The following IRF5 variants were observed in gnomAD, a reference collection of about 807,000 sequenced individuals.
IRF5 encodes interferon regulatory factor 5.
In IRF5, 24 loss-of-function variants were observed where a neutral mutation model predicts 55.1. The observed-to-expected ratio is 0.44, with a 90% CI of 0.32 to 0.61. IRF5 has a LOEUF of 0.61. IRF5 is among the 20% of genes least tolerant of loss of function. IRF5 has a pLI of 0.07. For synonymous variants in IRF5, 258 were observed against 260.2 expected, an observed-to-expected ratio of 0.99 and a Z score of 0.08; for missense variants, 499 against 658.5, an observed-to-expected ratio of 0.76 and a Z score of 2.65.
In IRF5 at chr7:128,947,312, C is replaced by CACTCTGCGGCCGCCT. The variant is rs745610149; in HGVS notation, c.572_586dup (p.Arg191_Leu195dup). 2.9e-5 allele frequency: 12 copies of CACTCTGCGGCCGCCT among 414,124 alleles called. No individual in the cohort carries two copies. Among genetic ancestry groups the CACTCTGCGGCCGCCT allele is most frequent in the Non-Finnish European group, 4.1e-5 (12 of 291,752 alleles). The allele number at this position is 414,124 out of a possible 1,614,324, so 25.7% of individuals were successfully genotyped here. On this transcript the variant is annotated inframe_insertion, in exon 6 of 9. Transcript: ENST00000357234. This position sits in a 1 kb window ranked among gnomAD's most constrained non-coding sequence, Gnocchi z 6.5. Reference sequence around the variant, plus strand: ...AGTGGCCGCCCACTCTGCAGCCGCCCACTCTGCGGCCGCCTACTCTGCAGC... The same window carrying CACTCTGCGGCCGCCT: ...AGTGGCCGCCCACTCTGCAGCCGCCCACTCTGCGGCCGCCTACTCTGCGGCCGCCTACTCTGCAGC...
intron 1 of IRF5, among the ~76,000 whole-genome samples, chr7:128,939,213 C>T (rs1795893883): frequency 6.6e-6 from 1 of 152,096 alleles, no homozygotes; most frequent in Non-Finnish European, 1.5e-5. Flanking sequence ...CCTGCCCCCA[C>T]CCCCAGTAGT....
chr7:128,948,927 G>T lies in IRF5; in HGVS notation c.*109G>T. The stretch of plus-strand genomic sequence containing the variant: ...TGGCTGGCTGCAGGGTCCTACCTCT[G>T]GGTTTCCTGGAAGTGGATTTGGGCC... On this transcript the variant is annotated 3_prime_UTR_variant, in exon 9 of 9. Coordinates refer to ENST00000357234, the MANE Select transcript of IRF5 (RefSeq NM_001098629.3). The surrounding 1 kb of genome is among the most constrained non-coding windows in gnomAD (Gnocchi z 4.6). The T allele has an allele frequency of 1.5e-6, 2 of 1,365,948 alleles. No individual in the cohort carries two copies. Among genetic ancestry groups the T allele is most frequent in the Non-Finnish European group, 2.0e-6 (2 of 1,013,858 alleles). 84.6% of individuals were successfully genotyped at this position (1,365,948 alleles called of 1,614,324 possible). A position where few individuals can be genotyped will look rare whatever the true frequency, so the allele number is the denominator to read the frequency against.
At chr7:128,943,745 A>G (rs1238018418) in intron 2 of IRF5, among the ~76,000 whole-genome samples, 2 of 47,138 alleles carry the variant, frequency 4.2e-5, no homozygotes, top group African/African-American at 1.4e-4. Context: ...TTTTTTTTGT[A>G]TTTTTGGTAA....
rs757578104 is a variant in IRF5 at position 128,942,127 on chromosome 7, C to T, written c.46C>T (p.Arg16Trp). Residue 16 changes from arginine to tryptophan, a missense_variant, in exon 2 of 9, where the codon CGG (arginine) becomes TGG (tryptophan). Coordinates refer to ENST00000357234, the MANE Select transcript of IRF5 (RefSeq NM_001098629.3). ...GGCTCCCACCCCACCCCGCCGCGTG[C>T]GGCTGAAGCCCTGGCTGGTGGCCCA... is the stretch of plus-strand genomic sequence containing the variant. ...PVAPTPPRRV[R>W]LKPWLVAQVN... The T allele has an allele frequency of 3.7e-6, 6 of 1,612,762 alleles. No individual in the cohort carries two copies. Among genetic ancestry groups the T allele is most frequent in the Non-Finnish European group, 5.1e-6 (6 of 1,179,608 alleles).
intron 2 of IRF5, among the ~76,000 whole-genome samples, chr7:128,942,508 A>G (rs1452433420): frequency 6.6e-6 from 1 of 150,892 alleles, no homozygotes; most frequent in East Asian, 2.0e-4. Context: ...GCTGGAGTGC[A>G]GTGGCACGAT....
chr7:128,938,883 C>T (rs1795874114), intron 1 of IRF5, among the ~76,000 whole-genome samples: 1 of 151,928 alleles, frequency 6.6e-6, no homozygotes. Context: ...GAGTGGGGGA[C>T]TTTCCCAGCC....
intron 1 of IRF5, among the ~76,000 whole-genome samples, chr7:128,939,495 G>A (rs756622453): frequency 1.2e-4 from 19 of 152,116 alleles, no homozygotes; most frequent in Non-Finnish European, 2.6e-4. Context: ...GCCTGTACAG[G>A]GAACCCCTTG....
rs563950676 is a variant in IRF5, at chr7:128,939,361, G to A, written c.-12+1312G>A. Among the ~76,000 whole-genome samples the A allele has an allele frequency of 9.2e-5, 14 of 152,212 alleles. No individual in the cohort carries two copies. In the South Asian group the frequency reaches 2.9e-3, roughly 32 times the overall value. On this transcript the variant is annotated intron_variant, in intron 1 of 8. Transcript: ENST00000357234. ...TCTTCCCCTACCCTGACCCTGGGAG[G>A]AAGCTGAAAGAAGCTTCTTTCTGGG...
intron 2 of IRF5, among the ~76,000 whole-genome samples, chr7:128,944,954 T>A (rs938267573): frequency 6.6e-6 from 1 of 152,230 alleles, no homozygotes; most frequent in African/African-American, 2.4e-5. Flanking sequence ...CTATGATATT[T>A]AGGATGAATT....
chr7:128,948,544 C>T lies in IRF5; in HGVS notation c.1300-29C>T. On this transcript the variant is annotated intron_variant, in intron 8 of 8. Transcript: ENST00000357234. The surrounding 1 kb of genome is among the most constrained non-coding windows in gnomAD (Gnocchi z 4.6). Reference sequence around the variant, plus strand: ...GATCTGGCAGCCCTGCCACAGGTCTCCCTGTCTCATCTCCTCTTTGCCTCC... The same window carrying T: ...GATCTGGCAGCCCTGCCACAGGTCTTCCTGTCTCATCTCCTCTTTGCCTCC... The T allele has an allele frequency of 6.2e-7, 1 of 1,611,424 alleles. No homozygotes were observed. The highest frequency in any genetic ancestry group is 1.7e-4 in the Middle Eastern group (1 of 6,060).
At position 128,942,221 on chromosome 7, in the gene IRF5, G is replaced by A. The variant is rs1334561980; in HGVS notation, c.140G>A (p.Trp47Ter). The A allele has an allele frequency of 1.9e-6, 3 of 1,614,050 alleles. No homozygotes were observed. The highest frequency in any genetic ancestry group is 2.5e-6 in the Non-Finnish European group (3 of 1,179,984). ...GAAAAGAAATTATTCTGCATCCCCT[G>A]GAGGCATGCCACAAGGCATGGTCCC... The part of the protein sequence containing the change: ...NGEKKLFCIP[W>*]RHATRHGPSQ... The change falls in exon 2 of 9, where the codon TGG (tryptophan) becomes TAG (stop). Residue 47 changes from tryptophan to a stop codon, truncating the protein, a stop_gained. Transcript: ENST00000357234. LOFTEE classifies it high-confidence loss of function.
chr7:128,947,105 A>AG lies in IRF5; in HGVS notation c.481+51dup, dbSNP rs762312482. 7 of 1,613,788 alleles carry AG rather than the reference A, an allele frequency of 4.3e-6. No individual in the cohort carries two copies. The highest frequency in any genetic ancestry group is 1.1e-5 in the South Asian group (1 of 91,074). On this transcript the variant is annotated intron_variant, in intron 5 of 8. Coordinates refer to ENST00000357234, the MANE Select transcript of IRF5 (RefSeq NM_001098629.3). The surrounding 1 kb of genome is among the most constrained non-coding windows in gnomAD (Gnocchi z 6.5). Reference sequence around the variant, plus strand: ...GGGGTCTAGTATACAGAGAAGCTATAGGTACCATAGGTACCTGGAAGGGGG... The same window carrying AG: ...GGGGTCTAGTATACAGAGAAGCTATAGGGTACCATAGGTACCTGGAAGGGGG...
At position 128,947,493 on chromosome 7, in the gene IRF5, C is replaced by G. The variant is rs1027912590; in HGVS notation, c.745C>G (p.Gln249Glu). The G allele has an allele frequency of 4.4e-6, 7 of 1,597,144 alleles. No individual in the cohort carries two copies. Among genetic ancestry groups the G allele is most frequent in the Non-Finnish European group, 5.1e-6 (6 of 1,174,086 alleles). Residue 249 changes from glutamine (Q) to glutamate (E), a missense_variant, in exon 6 of 9, where the codon CAG (glutamine) becomes GAG (glutamate). This residue lies in a region of IRF5 where 305 missense variants were observed against 340.2 expected (regional missense o/e 0.90). Transcript: ENST00000357234. This position sits in a 1 kb window ranked among gnomAD's most constrained non-coding sequence, Gnocchi z 6.5. ...TGCCAGCCTGCCCCCTGCAGGCGAA[C>G]AGCTCCTGCCAGACCTGCTGATCAG... is the stretch of plus-strand genomic sequence containing the variant. ...LPASLPPAGE[Q>E]LLPDLLISPH...
rs1312538324 is a variant in IRF5 at position 128,947,426 on chromosome 7, C to T, written c.678C>T (p.Phe226=). The T allele has an allele frequency of 1.2e-6, 2 of 1,611,688 alleles. No individual in the cohort carries two copies. The highest frequency in any genetic ancestry group is 2.2e-5 in the South Asian group (2 of 90,840). The change falls in exon 6 of 9, where the codon TTC becomes TTT. Residue 226 remains phenylalanine (F), a synonymous_variant. Transcript: ENST00000357234. This position sits in a 1 kb window ranked among gnomAD's most constrained non-coding sequence, Gnocchi z 6.5. ...LAPPPGNPAG[F]RELLSEVLEP... is the part of the protein sequence containing the mutation. ...CTCCCCCTGGCAACCCTGCTGGCTTCAGGGAGCTTCTCTCTGAGGTCCTGG... is the reference window on the plus strand; with the variant it reads ...CTCCCCCTGGCAACCCTGCTGGCTTTAGGGAGCTTCTCTCTGAGGTCCTGG...
chr7:128,943,619 C>A, intron 2 of IRF5, among the ~76,000 whole-genome samples: 1 of 147,784 alleles, frequency 6.8e-6, no homozygotes, highest in South Asian at 2.1e-4. Context: ...CAGCTCACTG[C>A]AACCTCTGCC....
chr7:128,946,514 T>C lies in IRF5; in HGVS notation c.399T>C (p.Pro133=), dbSNP rs1796310681. The C allele has an allele frequency of 1.2e-6, 2 of 1,608,144 alleles. No homozygotes were observed. The highest frequency in any genetic ancestry group is 2.7e-5 in the African/African-American group (2 of 74,842). Residue 133 remains proline, a synonymous_variant, in exon 4 of 9, where the codon CCT becomes CCC. Transcript: ENST00000357234. The surrounding 1 kb of genome is among the most constrained non-coding windows in gnomAD (Gnocchi z 4.2). ...NGPAPTDSQP[P]EDYSFGAGEE... is the part of the protein sequence containing the mutation. ...CCTGCTGTGCAGACTCCCAGCCCCCTGAGGATTACTCTTTTGGTGCAGGAG... is the reference window on the plus strand; with the variant it reads ...CCTGCTGTGCAGACTCCCAGCCCCCCGAGGATTACTCTTTTGGTGCAGGAG...
intron 1 of IRF5, among the ~76,000 whole-genome samples, chr7:128,939,548 ACCCAGACCAAC>A (rs905949446): frequency 1.3e-5 from 2 of 151,976 alleles, no homozygotes. Context: ...GAGACATGTG[ACCCAGACCAAC>A]CCTGGGAGCA....
At chr7:128,943,967 C>T (rs1262549042) in intron 2 of IRF5, among the ~76,000 whole-genome samples, 1 of 152,190 alleles carries the variant, frequency 6.6e-6, no homozygotes, top group African/African-American at 2.4e-5. Context: ...ACCTCAGCCT[C>T]CTGAGTAGCT....
At chr7:128,941,784 G>T (rs1796035406) in intron 1 of IRF5, among the ~76,000 whole-genome samples, 1 of 152,110 alleles carries the variant, frequency 6.6e-6, no homozygotes, top group Non-Finnish European at 1.5e-5. Flanking sequence ...CTGGCCAACG[G>T]GCTGCTTGCT....
Sources: allele counts gnomAD v4.1 joint callset (sites outside exome capture counted in the v4.1 genomes callset), GRCh38; gene constraint gnomAD v4.1.1; regional missense constraint gnomAD v4.1.1; non-coding constraint Gnocchi (gnomAD v3.1); transcripts MANE v1.5; gene names NCBI Gene and HGNC (gene_info 2026-07-23, HGNC 2026-07-21).